The following ADAMTS12 variants were observed in gnomAD, a reference collection of about 807,000 sequenced individuals.
ADAMTS12 encodes A disintegrin and metalloproteinase with thrombospondin motifs 12.
In ADAMTS12, 118 loss-of-function variants were observed where a neutral mutation model predicts 167.8. The ratio of observed to expected loss-of-function variants is 0.70; its 90% CI spans 0.61 to 0.82. The LOEUF is 0.82. Ranked by LOEUF, ADAMTS12 falls within the 40% of genes least tolerant of loss-of-function variation. The pLI, the probability that ADAMTS12 is intolerant of heterozygous loss-of-function variation, is 0.00. For missense variants in ADAMTS12, 1,916 were observed against 1,998.8 expected, an observed-to-expected ratio of 0.96 and a Z score of 0.79; for synonymous variants, 704 against 716.9, an observed-to-expected ratio of 0.98 and a Z score of 0.29.
intron 5 of ADAMTS12, among the ~76,000 whole-genome samples, chr5:33,668,549 G>T (rs1254182077): frequency 6.6e-6 from 1 of 152,128 alleles, no homozygotes; most frequent in African/African-American, 2.4e-5. Context: ...TGTCGCCCAG[G>T]CTGGAGTGCA....
At chr5:33,565,675 T>G (rs915912376) in intron 19 of ADAMTS12, among the ~76,000 whole-genome samples, 1 of 10,092 alleles carries the variant, frequency 9.9e-5, no homozygotes, top group Non-Finnish European at 1.4e-4. Flanking sequence ...TTTTTGTTTG[T>G]TTTTTTTTTT....
chr5:33,862,880 T>C (rs1749673748), intron 2 of ADAMTS12, among the ~76,000 whole-genome samples: 1 of 152,088 alleles, frequency 6.6e-6, no homozygotes, highest in Non-Finnish European at 1.5e-5. Flanking sequence ...GATGCAAGGC[T>C]GGTTTAACAT....
At chr5:33,638,532 C>T (rs1037614957) in intron 11 of ADAMTS12, among the ~76,000 whole-genome samples, 1 of 152,148 alleles carries the variant, frequency 6.6e-6, no homozygotes, top group Non-Finnish European at 1.5e-5. Context: ...CTTAAAGTCT[C>T]CACATGTCTA....
rs112486837 is a variant in ADAMTS12, at chr5:33,881,654, C to T, written c.128-174G>A. Among the ~76,000 whole-genome samples the T allele has an allele frequency of 9.3e-3, 1,405 of 151,458 alleles. 29 individuals are homozygous for T. Among genetic ancestry groups the T allele is most frequent in the African/African-American group, 0.032 (1,335 of 41,210 alleles). On this transcript the variant is annotated intron_variant, in intron 1 of 23. Transcript: ENST00000504830. ...CGGGCTCACCGCAACCTCCTCCTCA[C>T]TGGGTTCAAGCAATTCTCCTGCCTC...
intron 13 of ADAMTS12, among the ~76,000 whole-genome samples, chr5:33,627,502 T>C (rs1409765955): frequency 6.6e-6 from 1 of 150,382 alleles, no homozygotes; most frequent in African/African-American, 2.5e-5. Flanking sequence ...ATGGTGATGA[T>C]GGTGGTGGTG....
chr5:33,821,884 A>G (rs1399236449), intron 2 of ADAMTS12, among the ~76,000 whole-genome samples: 1 of 152,196 alleles, frequency 6.6e-6, no homozygotes, highest in Non-Finnish European at 1.5e-5. Context: ...ACTGATTACT[A>G]CATTCCAGCT....
chr5:33,567,111 C>T (rs1746052783), intron 19 of ADAMTS12, among the ~76,000 whole-genome samples: 1 of 152,160 alleles, frequency 6.6e-6, no homozygotes, highest in Admixed American at 6.5e-5. Context: ...GAAGCCTAGC[C>T]TTCCTAATGT....
chr5:33,656,249 C>T lies in ADAMTS12; in HGVS notation c.1190+1935G>A, dbSNP rs566305362. 3.7e-3 allele frequency among the ~76,000 whole-genome samples: 565 copies of T among 152,230 alleles called. 5 individuals carry two copies. Among genetic ancestry groups the T allele is most frequent in the African/African-American group, 0.013 (553 of 41,542 alleles). On this transcript the variant is annotated intron_variant, in intron 7 of 23. Transcript: ENST00000504830. ...TAGTCTGTTAAATAATCCACCACTC[C>T]CAATAACTACTAAACATCTACCACT...
chr5:33,871,789 G>A (rs1750045948), intron 2 of ADAMTS12, among the ~76,000 whole-genome samples: 2 of 151,982 alleles, frequency 1.3e-5, no homozygotes, highest in South Asian at 4.1e-4. Context: ...ATGAAAGATG[G>A]GATATCACTA....
chr5:33,555,728 G>A (rs1409870191), intron 20 of ADAMTS12, among the ~76,000 whole-genome samples: 1 of 152,130 alleles, frequency 6.6e-6, no homozygotes, highest in Non-Finnish European at 1.5e-5. Context: ...AGTATATATT[G>A]GTGATTTAAA....
intron 3 of ADAMTS12, among the ~76,000 whole-genome samples, chr5:33,734,463 G>T (rs1013764881): frequency 6.6e-6 from 1 of 152,166 alleles, no homozygotes; most frequent in Non-Finnish European, 1.5e-5. Flanking sequence ...TGGAGTTGTA[G>T]TTACCCCAGG....
rs1199952860 is a variant in ADAMTS12, at chr5:33,630,794, T to G, written c.2008A>C (p.Asn670His). The G allele has an allele frequency of 6.2e-7, 1 of 1,613,530 alleles. No homozygotes were observed. The highest frequency in any genetic ancestry group is 2.2e-5 in the East Asian group (1 of 44,874). Residue 670 changes from asparagine to histidine, a missense_variant, in exon 13 of 24, where the codon AAT becomes CAT. By Grantham distance (68) the Asn-to-His change is moderately conservative (BLOSUM62 1). Transcript: ENST00000504830. ...ATACCCAATACCTTACATATGCCAT[T>G]AATACAGACATTTCTGCTGTTGCCG... ...EGGNSRNVCINGICKMVGCDY... is the reference protein window; with the variant it reads ...EGGNSRNVCIHGICKMVGCDY...
chr5:33,711,901 T>C (rs1743416280), intron 3 of ADAMTS12, among the ~76,000 whole-genome samples: 2 of 152,202 alleles, frequency 1.3e-5, no homozygotes, highest in African/African-American at 2.4e-5. Context: ...CCTCTTACAC[T>C]TGAGCTTGTA....
At position 33,547,251 on chromosome 5, in the gene ADAMTS12, C is replaced by T. The variant is rs554140590; in HGVS notation, c.4303-1049G>A. On this transcript the variant is annotated intron_variant, in intron 21 of 23. Transcript: ENST00000504830. Reference sequence around the variant, plus strand: ...GTCAAAAAAGTGGTTCTCAAATGCTCCTCAGACCAGCAACTTCAGCATCTT... The same window carrying T: ...GTCAAAAAAGTGGTTCTCAAATGCTTCTCAGACCAGCAACTTCAGCATCTT... Among the ~76,000 whole-genome samples the T allele has an allele frequency of 1.4e-4, 21 of 152,214 alleles. No homozygotes were observed. The South Asian group carries it at 3.5e-3, about 26-fold the overall frequency.
At chr5:33,740,789 G>A (rs1744542730) in intron 3 of ADAMTS12, among the ~76,000 whole-genome samples, 1 of 152,156 alleles carries the variant, frequency 6.6e-6, no homozygotes, top group African/African-American at 2.4e-5. Flanking sequence ...GAGAGGCCAG[G>A]TGGGGCCAGG....
chr5:33,547,922 C>G (rs538653243), intron 21 of ADAMTS12, among the ~76,000 whole-genome samples: 1 of 152,294 alleles, frequency 6.6e-6, no homozygotes, highest in East Asian at 1.9e-4. Context: ...GGTCTGGGTT[C>G]AGAGCCTGGG....
intron 18 of ADAMTS12, among the ~76,000 whole-genome samples, chr5:33,581,308 G>A (rs972488140): frequency 3.3e-5 from 5 of 152,180 alleles, no homozygotes; most frequent in African/African-American, 1.2e-4. Context: ...GACCAGGAAA[G>A]CAGCATGTCA....
intron 2 of ADAMTS12, among the ~76,000 whole-genome samples, chr5:33,821,361 C>G (rs7719128): frequency 6.6e-6 from 1 of 151,952 alleles, no homozygotes; most frequent in African/African-American, 2.4e-5. Flanking sequence ...TATGAAGATA[C>G]GCCAATTGTT....
intron 16 of ADAMTS12, among the ~76,000 whole-genome samples, chr5:33,610,583 G>A (rs1738681683): frequency 6.6e-6 from 1 of 152,130 alleles, no homozygotes; most frequent in African/African-American, 2.4e-5. Flanking sequence ...CTATGATATG[G>A]AGACTGTATG....
Sources: gnomAD v4.1 joint callset for allele counts (sites outside exome capture counted in the v4.1 genomes callset) on GRCh38, gnomAD v4.1.1 for gene constraint, MANE v1.5 for transcripts, NCBI Gene and HGNC (gene_info 2026-07-23, HGNC 2026-07-21) for gene names.